The following WNK1 variants were observed in gnomAD, a reference collection of about 807,000 sequenced individuals.
WNK1 encodes serine/threonine-protein kinase WNK1.
Under a neutral mutation model 222.8 loss-of-function variants are expected in WNK1, and 38 were observed. The observed-to-expected ratio is 0.17, with a 90% CI of 0.13 to 0.22. The LOEUF is 0.22. Among genes scored for constraint, WNK1 ranks in the 10% least tolerant of loss-of-function variants. The pLI is 1.00. For missense variants in WNK1, 2,348 were observed against 2,918.4 expected, an observed-to-expected ratio of 0.80 and a Z score of 4.50; for synonymous variants, 1,090 against 1,092.9, an observed-to-expected ratio of 1.00 and a Z score of 0.05.
intron 4 of WNK1, among the ~76,000 whole-genome samples, chr12:841,334 G>A (rs1415232172): frequency 6.6e-6 from 1 of 152,022 alleles, no homozygotes; most frequent in Non-Finnish European, 1.5e-5. Flanking sequence ...TCCTATTCTA[G>A]GTATTTCATG....
chr12:892,035 CTTTTTT>C (rs34947524), intron 22 of WNK1, among the ~76,000 whole-genome samples: 1 of 135,958 alleles, frequency 7.4e-6, no homozygotes, highest in Non-Finnish European at 1.6e-5. Flanking sequence ...TTATAACTAA[CTTTTTT>C]TTTTTTTTGT....
chr12:834,178 G>C (rs1347907714), intron 4 of WNK1, among the ~76,000 whole-genome samples: 1 of 152,160 alleles, frequency 6.6e-6, no homozygotes, highest in Non-Finnish European at 1.5e-5. Flanking sequence ...ACAATGGAAG[G>C]AAAGGCAAAT....
chr12:862,850 T>C (rs1019515351), intron 8 of WNK1, among the ~76,000 whole-genome samples: 1 of 152,222 alleles, frequency 6.6e-6, no homozygotes, highest in African/African-American at 2.4e-5. Flanking sequence ...TTCTTTTGCT[T>C]TTTCCCTTTA....
Position 878,344 on chromosome 12 carries a change from G to A in WNK1, c.2356G>A (p.Val786Ile). 1 of 1,612,424 alleles carries A rather than the reference G, an allele frequency of 6.2e-7. No homozygotes were observed. Among genetic ancestry groups the A allele is most frequent in the South Asian group, 1.1e-5 (1 of 90,936 alleles). The change falls in exon 10 of 28, where the codon GTA becomes ATA. Residue 786 changes from valine (V) to isoleucine (I), a missense_variant. Transcript: ENST00000315939. ...TCAAGCTCCACAAGTCTTGCCTCAA[G>A]TATCAGCTGGAAAACAGGTAAACTT... ...QPQAPQVLPQVSAGKQLPVSQ... is the reference protein window; with the variant it reads ...QPQAPQVLPQISAGKQLPVSQ...
intron 4 of WNK1, among the ~76,000 whole-genome samples, chr12:846,064 T>C (rs879623765): frequency 1.3e-5 from 2 of 152,228 alleles, no homozygotes; most frequent in African/African-American, 4.8e-5. Flanking sequence ...ATGATACTAA[T>C]ACAAACATTA....
Position 861,087 on chromosome 12 carries a change from T to A in WNK1, c.1695T>A (p.Ile565=). 6.2e-7 allele frequency: 1 copy of A among 1,613,688 alleles called. No individual in the cohort carries two copies. Among genetic ancestry groups the A allele is most frequent in the Non-Finnish European group, 8.5e-7 (1 of 1,179,950 alleles). ...AKAIKDRVSL[I]KRKREQRQLV... ...CTATCAAAGACAGAGTATCATTAAT[T>A]AAGAGGAAACGAGAGCAGCGGCAGT... is the stretch of plus-strand genomic sequence containing the variant. The change falls in exon 7 of 28, where the codon ATT becomes ATA. Residue 565 remains isoleucine, a synonymous_variant. Coordinates refer to ENST00000315939, the MANE Select transcript of WNK1 (RefSeq NM_018979.4).
chr12:890,572 C>T, intron 22 of WNK1, 59 bp downstream of exon 22: 1 of 1,584,876 alleles, frequency 6.3e-7, no homozygotes, highest in Non-Finnish European at 8.7e-7. Flanking sequence ...GTAGTTGATT[C>T]AGGAGGTTTA....
chr12:849,048 A>G (rs1950233272), intron 4 of WNK1, among the ~76,000 whole-genome samples: 1 of 151,954 alleles, frequency 6.6e-6, no homozygotes. Context: ...ATGGTCCTAC[A>G]CAGGCTTGCT....
chr12:771,093 G>A (rs1942422695), intron 1 of WNK1, among the ~76,000 whole-genome samples: 2 of 152,238 alleles, frequency 1.3e-5, no homozygotes. Flanking sequence ...TGCCTCCTGG[G>A]TTCAAGCGAC....
At chr12:821,283 G>T (rs1318435268) in intron 2 of WNK1, among the ~76,000 whole-genome samples, 1 of 151,984 alleles carries the variant, frequency 6.6e-6, no homozygotes, top group Non-Finnish European at 1.5e-5. Flanking sequence ...CATTAATAAC[G>T]GTGTTAGTCT....
chr12:757,307 T>A (rs1389925617), intron 1 of WNK1, among the ~76,000 whole-genome samples: 1 of 124,930 alleles, frequency 8.0e-6, no homozygotes, highest in Non-Finnish European at 1.7e-5. Flanking sequence ...CAAGCATCAA[T>A]TCTTTTTTTT....
intron 8 of WNK1, among the ~76,000 whole-genome samples, chr12:866,502 A>G (rs531443426): frequency 6.6e-6 from 1 of 152,122 alleles, no homozygotes; most frequent in Non-Finnish European, 1.5e-5. Context: ...AGCTAGGACT[A>G]CAGGCGCATG....
At chr12:877,052 ATTTTTT>A (rs34011207) in intron 9 of WNK1, among the ~76,000 whole-genome samples, 2 of 77,104 alleles carry the variant, frequency 2.6e-5, no homozygotes, top group Non-Finnish European at 4.7e-5. Flanking sequence ...CCTAAACTTC[ATTTTTT>A]TTTTTTTTTT....
Position 884,087 on chromosome 12 carries a change from A to T in WNK1, c.3722-34A>T, listed in dbSNP as rs1200914401. ...TAACAATATTTATAATAATAATGCTATTAAGTTACGTTTGTTTGTTTGTTT... is the reference window on the plus strand; with the variant it reads ...TAACAATATTTATAATAATAATGCTTTTAAGTTACGTTTGTTTGTTTGTTT... On this transcript the variant is annotated intron_variant, in intron 17 of 27. Transcript: ENST00000315939. This position sits in a 1 kb window ranked among gnomAD's most constrained non-coding sequence, Gnocchi z 5.6. 6.2e-7 allele frequency: 1 copy of T among 1,613,614 alleles called. No homozygotes were observed. Among genetic ancestry groups the T allele is most frequent in the Non-Finnish European group, 8.5e-7 (1 of 1,179,712 alleles).
chr12:830,203 A>G (rs776999271), intron 4 of WNK1, 43 bp downstream of exon 4: 46 of 1,606,130 alleles, frequency 2.9e-5, no homozygotes, highest in Non-Finnish European at 1.4e-5. Flanking sequence ...GGGCATATCT[A>G]ACAAAGAATC....
chr12:841,661 A>G (rs1949635265), intron 4 of WNK1, among the ~76,000 whole-genome samples: 1 of 152,210 alleles, frequency 6.6e-6, no homozygotes. Context: ...TGGCATATAA[A>G]CAACAACCAT....
rs1956006430 is a variant in WNK1, at chr12:910,491, A to C, written c.*1699A>C. ...CAACCAATCAGTGTTATTCAGTGCT[A>C]TGCCTCCTTGTAATGGGTAGTTATT... On this transcript the variant is annotated 3_prime_UTR_variant, in exon 28 of 28. Transcript: ENST00000315939. The C allele has an allele frequency of 6.6e-6, 1 of 152,194 alleles. No individual in the cohort carries two copies. Among genetic ancestry groups the C allele is most frequent in the African/African-American group, 2.4e-5 (1 of 41,442 alleles). The allele number at this position is 152,194 out of a possible 1,614,324, so 9.4% of individuals were successfully genotyped here. A position where few individuals can be genotyped will look rare whatever the true frequency, so the allele number is the denominator to read the frequency against.
intron 2 of WNK1, among the ~76,000 whole-genome samples, chr12:824,158 C>T (rs2154023894): frequency 6.6e-6 from 1 of 151,388 alleles, no homozygotes; most frequent in Admixed American, 6.6e-5. Context: ...CCATCCACCT[C>T]AGCCTCCCAA....
At chr12:802,459 G>C (rs181188982) in intron 1 of WNK1, among the ~76,000 whole-genome samples, 1 of 152,134 alleles carries the variant, frequency 6.6e-6, no homozygotes, top group African/African-American at 2.4e-5. Flanking sequence ...GTCAGACAGC[G>C]GGGTCATAAA....
Sources: gnomAD v4.1 joint callset for allele counts (sites outside exome capture counted in the v4.1 genomes callset) on GRCh38, gnomAD v4.1.1 for gene constraint, Gnocchi (gnomAD v3.1) non-coding constraint, MANE v1.5 for transcripts, NCBI Gene and HGNC (gene_info 2026-07-23, HGNC 2026-07-21) for gene names.